The following SLC43A2 variants were observed in gnomAD, a reference collection of about 807,000 sequenced individuals.
SLC43A2 encodes solute carrier family 43 member 2.
A neutral mutation model predicts 63.2 loss-of-function variants in SLC43A2; 38 were observed. The ratio of observed to expected loss-of-function variants is 0.60; its 90% CI spans 0.46 to 0.79. The LOEUF (loss-of-function observed/expected upper bound fraction) is 0.79, where lower values mean the gene tolerates loss of function less well. Ranked by LOEUF, SLC43A2 falls within the 30% of genes least tolerant of loss-of-function variation. The pLI is 0.00. For missense variants in SLC43A2, 644 were observed against 756.2 expected (o/e 0.85, Z 1.74); for synonymous variants, 322 against 331.0 (o/e 0.97, Z 0.30).
At chr17:1,628,871 CAAG>C (rs2151087916), upstream of SLC43A2, 1 of 152,342 alleles carries the variant, frequency 6.6e-6, no homozygotes, top group South Asian at 2.1e-4. Context: ...ATTCCGACCC[CAAG>C]AAGAAAACAC....
At chr17:1,584,178 C>T (rs1227496233) in intron 10 of SLC43A2, among the ~76,000 whole-genome samples, 1 of 152,064 alleles carries the variant, frequency 6.6e-6, no homozygotes, top group Non-Finnish European at 1.5e-5. Flanking sequence ...CAGGTGTGAG[C>T]CACCGCGCCC....
intron 2 of SLC43A2, among the ~76,000 whole-genome samples, chr17:1,622,397 A>G (rs1043150262): frequency 6.6e-6 from 1 of 151,172 alleles, no homozygotes; most frequent in East Asian, 2.0e-4. Flanking sequence ...CCCCGTCTCT[A>G]CTAAAAATAC....
chr17:1,578,960 C>T lies in SLC43A2; in HGVS notation c.1351-637G>A, dbSNP rs888291148. The stretch of plus-strand genomic sequence containing the variant: ...TTCGAAACCAGCCTGGCCAACATGG[C>T]GAAACCCTGTCTTTACTAAAAATAC... On this transcript the variant is annotated intron_variant, in intron 11 of 13. Coordinates refer to ENST00000301335, the MANE Select transcript of SLC43A2 (RefSeq NM_152346.3). This position sits in a 1 kb window ranked among gnomAD's most constrained non-coding sequence, Gnocchi z 6.5. Among the ~76,000 whole-genome samples, 1 of 151,430 alleles carries T rather than the reference C, an allele frequency of 6.6e-6. No homozygotes were observed. Among genetic ancestry groups the T allele is most frequent in the African/African-American group, 2.4e-5 (1 of 41,298 alleles).
At chr17:1,589,343 G>A (rs1052617493) in intron 9 of SLC43A2, among the ~76,000 whole-genome samples, 5 of 151,998 alleles carry the variant, frequency 3.3e-5, no homozygotes, top group African/African-American at 7.3e-5. Context: ...GGAGGTTTAC[G>A]CCTGTAATCC....
chr17:1,613,387 G>A (rs537106239), intron 4 of SLC43A2, 116 bp from the exon 5 acceptor site: 41 of 835,342 alleles, frequency 4.9e-5, no homozygotes, highest in Middle Eastern at 3.2e-4. Context: ...AACGCAGGCC[G>A]GGGTTAGTAC....
chr17:1,578,130 G>T lies in SLC43A2; in HGVS notation c.1424+120C>A. On this transcript the variant is annotated intron_variant, in intron 12 of 13. Coordinates refer to ENST00000301335, the MANE Select transcript of SLC43A2 (RefSeq NM_152346.3). This position sits in a 1 kb window ranked among gnomAD's most constrained non-coding sequence, Gnocchi z 6.5. ...CCCTGGTACCTGTCCCCTGAAGCAG[G>T]AAGATGAGCCCTTCTGGGACAGGCT... 1.1e-6 allele frequency: 1 copy of T among 946,404 alleles called. No homozygotes were observed. Among genetic ancestry groups the T allele is most frequent in the Non-Finnish European group, 1.6e-6 (1 of 623,266 alleles). 58.6% of individuals were successfully genotyped at this position (946,404 alleles called of 1,614,324 possible).
Position 1,583,270 on chromosome 17 carries a change from G to T in SLC43A2, c.1284C>A (p.Phe428Leu), listed in dbSNP as rs780032377. 6.2e-7 allele frequency: 1 copy of T among 1,614,170 alleles called. No homozygotes were observed. Among genetic ancestry groups the T allele is most frequent in the South Asian group, 1.1e-5 (1 of 91,084 alleles). ...CCACGAGCAGCAGGTTGGTGAAGGC[G>T]AAGGCCCGCATGGCATTAGTGATCT... ...IQKITNAMRAFAFTNLLLVGF... is the reference protein window; with the variant it reads ...IQKITNAMRALAFTNLLLVGF... The change falls in exon 11 of 14, where the codon TTC becomes TTA. Residue 428 changes from phenylalanine (F) to leucine (L), a missense_variant. Around this residue, in one of 3 missense-constraint regions of SLC43A2, gnomAD observed 528 missense variants for 623.6 expected, o/e 0.85. Transcript: ENST00000301335. This position sits in a 1 kb window ranked among gnomAD's most constrained non-coding sequence, Gnocchi z 5.5.
At position 1,570,140 on chromosome 17, in the gene SLC43A2, G is replaced by T. The variant is rs529535381; in HGVS notation, c.*5464C>A. 2.6e-5 allele frequency: 4 copies of T among 151,764 alleles called. No homozygotes were observed. Among genetic ancestry groups the T allele is most frequent in the African/African-American group, 7.3e-5 (3 of 41,268 alleles). The allele number at this position is 151,764 out of a possible 1,614,324, so 9.4% of individuals were successfully genotyped here. ...GATCTCCTGACCTTGTGATCCGCCC[G>T]CCTCAGCCTCCCAAAGTGCTGGGAT... is the stretch of plus-strand genomic sequence containing the variant. On this transcript the variant is annotated 3_prime_UTR_variant, in exon 14 of 14. Transcript: ENST00000301335.
chr17:1,623,639 G>C (rs12938875), intron 2 of SLC43A2, among the ~76,000 whole-genome samples: 23,045 of 138,372 alleles, frequency 0.17, 2,027 homozygotes, highest in South Asian at 0.22. Flanking sequence ...TCTCCTCCAG[G>C]CTGTACCCTC....
At chr17:1,581,557 AG>A (rs1299318716) in intron 11 of SLC43A2, among the ~76,000 whole-genome samples, 2 of 152,128 alleles carry the variant, frequency 1.3e-5, no homozygotes, top group East Asian at 3.9e-4. Flanking sequence ...GTAAAAAGGG[AG>A]GGACTCTTAC....
intron 13 of SLC43A2, among the ~76,000 whole-genome samples, chr17:1,576,179 G>A (rs1255876622): frequency 6.7e-6 from 1 of 149,700 alleles, no homozygotes; most frequent in East Asian, 2.0e-4. Context: ...CGCCTCCCGG[G>A]TTCAAGTGAT....
In SLC43A2 at chr17:1,583,236, C is replaced by T. The variant is rs1450223966; in HGVS notation, c.1318G>A (p.Val440Met). Residue 440 changes from valine to methionine, a missense_variant, in exon 11 of 14, where the codon GTG becomes ATG. Physicochemically the swap from Val to Met is conservative, Grantham distance 21 (BLOSUM62 1). Transcript: ENST00000301335. This position sits in a 1 kb window ranked among gnomAD's most constrained non-coding sequence, Gnocchi z 5.5. ...FTNLLLVGFGVTCLIPNLPLQ... is the reference protein window; with the variant it reads ...FTNLLLVGFGMTCLIPNLPLQ... ...GGCAGGTTGGGAATGAGGCAGGTCA[C>T]CCCAAAGCCCACGAGCAGCAGGTTG... 1 of 1,614,170 alleles carries T rather than the reference C, an allele frequency of 6.2e-7. No individual in the cohort carries two copies. The highest frequency in any genetic ancestry group is 1.7e-5 in the Admixed American group (1 of 60,026).
rs542286581 is a variant in SLC43A2 at position 1,578,215 on chromosome 17, C to G, written c.1424+35G>C. On this transcript the variant is annotated intron_variant, in intron 12 of 13. Transcript: ENST00000301335. This position sits in a 1 kb window ranked among gnomAD's most constrained non-coding sequence, Gnocchi z 6.5. ...CTCCCCCCGGCCATTCCCACACCCT[C>G]GCCCACCAGGCCACCTGCGGCTTCC... 6.2e-7 allele frequency: 1 copy of G among 1,605,716 alleles called. No homozygotes were observed. The highest frequency in any genetic ancestry group is 8.5e-7 in the Non-Finnish European group (1 of 1,173,450).
intron 6 of SLC43A2, among the ~76,000 whole-genome samples, chr17:1,592,581 G>A (rs560145756): frequency 1.8e-4 from 27 of 152,238 alleles, no homozygotes; most frequent in Middle Eastern, 3.4e-3. Flanking sequence ...CCCTCTCCTC[G>A]CCAACAGCAT....
chr17:1,607,047 A>T (rs779800501), intron 5 of SLC43A2, among the ~76,000 whole-genome samples: 2 of 152,196 alleles, frequency 1.3e-5, no homozygotes, highest in Non-Finnish European at 2.9e-5. Flanking sequence ...AACAGCTCGC[A>T]GCCCCTGGTC....
At chr17:1,594,073 C>G in intron 5 of SLC43A2, among the ~76,000 whole-genome samples, 1 of 152,160 alleles carries the variant, frequency 6.6e-6, no homozygotes, top group Non-Finnish European at 1.5e-5. Context: ...GATCCGCCCG[C>G]CTCGGCCTCC....
At position 1,572,231 on chromosome 17, in the gene SLC43A2, C is replaced by T. The variant is rs1016544518; in HGVS notation, c.*3373G>A. The T allele has an allele frequency of 7.9e-5, 12 of 152,046 alleles. No individual in the cohort carries two copies. Among genetic ancestry groups the T allele is most frequent in the African/African-American group, 1.7e-4 (7 of 41,170 alleles). The allele number at this position is 152,046 out of a possible 1,614,324, so 9.4% of individuals were successfully genotyped here. ...AACCATGCCTGGGCCTGCTCCCCTTCCTTGGGCTGTGACCCCCCTGCCACA... is the reference window on the plus strand; with the variant it reads ...AACCATGCCTGGGCCTGCTCCCCTTTCTTGGGCTGTGACCCCCCTGCCACA... On this transcript the variant is annotated 3_prime_UTR_variant, in exon 14 of 14. Coordinates refer to ENST00000301335, the MANE Select transcript of SLC43A2 (RefSeq NM_152346.3).
intron 2 of SLC43A2, among the ~76,000 whole-genome samples, chr17:1,626,324 TC>T (rs1486922693): frequency 2.6e-5 from 4 of 151,884 alleles, no homozygotes; most frequent in Non-Finnish European, 5.9e-5. Flanking sequence ...GGCATTAATC[TC>T]CTAACAACTC....
intron 5 of SLC43A2, among the ~76,000 whole-genome samples, chr17:1,603,570 G>A (rs1906283829): frequency 6.6e-6 from 1 of 152,036 alleles, no homozygotes; most frequent in African/African-American, 2.4e-5. Context: ...GATCACCTGA[G>A]GTCAGGAGTT....
Sources: gnomAD v4.1 joint callset for allele counts (sites outside exome capture counted in the v4.1 genomes callset) on GRCh38, gnomAD v4.1.1 for gene constraint, gnomAD v4.1.1 regional missense constraint, Gnocchi (gnomAD v3.1) non-coding constraint, MANE v1.5 for transcripts, NCBI Gene and HGNC (gene_info 2026-07-23, HGNC 2026-07-21) for gene names.